The following BST1 variants were observed in gnomAD, a reference collection of about 807,000 sequenced individuals.
BST1 encodes the protein ADP-ribosyl cyclase/cyclic ADP-ribose hydrolase 2.
Under a neutral mutation model 40.6 loss-of-function variants are expected in BST1, and 49 were observed. That is an observed-to-expected ratio of 1.21 (90% CI 0.96 to 1.53). The LOEUF is 1.53. Among genes scored for constraint, BST1 ranks in the 40% most tolerant of loss-of-function variants. The probability of loss-of-function intolerance (pLI) is 0.00; values close to 1 mark genes in which losing one functional copy is unlikely to be tolerated. For synonymous variants in BST1, 157 were observed against 159.3 expected (o/e 0.99, Z 0.11); for missense variants, 423 against 395.9 (o/e 1.07, Z -0.58).
chr4:15,736,173 T>A (rs887698498), downstream of BST1: 40 of 1,249,458 alleles, frequency 3.2e-5, no homozygotes, highest in Admixed American at 9.2e-4. Flanking sequence ...TCCTGACTGA[T>A]CTCTCTGCTT....
the BST1 span, among the ~76,000 whole-genome samples, chr4:15,751,777 G>A: frequency 1.3e-5 from 2 of 151,834 alleles, no homozygotes; most frequent in East Asian, 1.9e-4. Flanking sequence ...ATGTATAGAT[G>A]TACTGTGTAT....
chr4:15,715,870 C>T lies in BST1; in HGVS notation c.704+71C>T, dbSNP rs964532071. 72 of 1,156,148 alleles carry T rather than the reference C, an allele frequency of 6.2e-5. No homozygotes were observed. In the South Asian group the frequency reaches 1.2e-3, roughly 19 times the overall value. The allele number at this position is 1,156,148 out of a possible 1,614,324, so 71.6% of individuals were successfully genotyped here. On this transcript the variant is annotated intron_variant, in intron 6 of 8. Transcript: ENST00000265016. ...TTCTTGTATATAATATGATAAAGTT[C>T]GTTTAACATTTTCAGTTTAGGGGAA...
chr4:15,703,166 G>A lies in BST1; in HGVS notation c.22G>A (p.Ala8Thr), dbSNP rs1355739514. 1.3e-6 allele frequency: 2 copies of A among 1,570,218 alleles called. No individual in the cohort carries two copies. Among genetic ancestry groups the A allele is most frequent in the Non-Finnish European group, 8.6e-7 (1 of 1,159,684 alleles). The change falls in exon 1 of 9, where the codon GCA (alanine) becomes ACA (threonine). Residue 8 changes from alanine to threonine, a missense_variant. Transcript: ENST00000265016. ...CCCGATGGCGGCCCAGGGGTGCGCGGCATCGCGGCTGCTCCAGCTGCTGCT... is the reference window on the plus strand; with the variant it reads ...CCCGATGGCGGCCCAGGGGTGCGCGACATCGCGGCTGCTCCAGCTGCTGCT... MAAQGCA[A>T]SRLLQLLLQL...
chr4:15,728,877 T>C (rs1341438409), intron 8 of BST1, among the ~76,000 whole-genome samples: 2 of 151,982 alleles, frequency 1.3e-5, no homozygotes, highest in Non-Finnish European at 2.9e-5. Flanking sequence ...AACTCCTGAC[T>C]TCAGGTGATC....
intron 1 of BST1, among the ~76,000 whole-genome samples, chr4:15,703,779 TGTG>T (rs1560274987): frequency 8.1e-6 from 1 of 123,434 alleles, no homozygotes; most frequent in East Asian, 2.6e-4. Flanking sequence ...AAAGGTGAGA[TGTG>T]TGTGTGTGTT....
Position 15,715,360 on chromosome 4 carries a change from G to T in BST1, c.610G>T (p.Gly204Cys). Reference sequence around the variant, plus strand: ...GCCAACAGGAGCCTATCCCATCAAAGGGTAAGAACACCAGCACATTCAAAC... The same window carrying T: ...GCCAACAGGAGCCTATCCCATCAAATGGTAAGAACACCAGCACATTCAAAC... Reference protein sequence around the residue: ...SEPTGAYPIKGFFADYEIPNL... With the variant: ...SEPTGAYPIKCFFADYEIPNL... Residue 204 changes from glycine to cysteine, a missense_variant and splice_region_variant, in exon 5 of 9, where the codon GGT becomes TGT. Physicochemically the swap from Gly to Cys is radical, Grantham distance 159. Transcript: ENST00000265016. The T allele has an allele frequency of 6.2e-7, 1 of 1,613,916 alleles. No homozygotes were observed. The highest frequency in any genetic ancestry group is 8.5e-7 in the Non-Finnish European group (1 of 1,179,828).
chr4:15,709,010 A>C (rs1467127391), intron 3 of BST1, among the ~76,000 whole-genome samples: 1 of 152,246 alleles, frequency 6.6e-6, no homozygotes, highest in Non-Finnish European at 1.5e-5. Flanking sequence ...AAAACAGCAG[A>C]GAATAAAACA....
chr4:15,765,980 C>T, the BST1 span, among the ~76,000 whole-genome samples: 3 of 151,878 alleles, frequency 2.0e-5, no homozygotes, highest in Non-Finnish European at 4.4e-5. Flanking sequence ...TCATGGTGCT[C>T]AGTAAATATT....
the BST1 span, among the ~76,000 whole-genome samples, chr4:15,758,250 T>A: frequency 6.6e-6 from 1 of 152,146 alleles, no homozygotes; most frequent in Non-Finnish European, 1.5e-5. Context: ...ACCCAGGTAG[T>A]GAGCATAGTA....
chr4:15,732,349 G>A lies in BST1; in HGVS notation c.*504G>A, dbSNP rs956454545. ...TTTTTGTTTTGAGAGACAGAGTTTC[G>A]CTCCTTTGCCCAGGCTGGAGTGAGG... On this transcript the variant is annotated 3_prime_UTR_variant, in exon 9 of 9. Coordinates refer to ENST00000265016, the MANE Select transcript of BST1 (RefSeq NM_004334.3). 1.5e-4 allele frequency: 25 copies of A among 162,506 alleles called. No individual in the cohort carries two copies. Among genetic ancestry groups the A allele is most frequent in the African/African-American group, 5.3e-4 (22 of 41,590 alleles). The allele number at this position is 162,506 out of a possible 1,614,324, so 10.1% of individuals were successfully genotyped here. A position where few individuals can be genotyped will look rare whatever the true frequency, so the allele number is the denominator to read the frequency against.
At chr4:15,748,398 C>T in the BST1 span, among the ~76,000 whole-genome samples, 2 of 152,118 alleles carry the variant, frequency 1.3e-5, no homozygotes, top group South Asian at 2.1e-4. Context: ...AAGGGAGCTG[C>T]TATCCTTCAG....
At chr4:15,728,453 T>TC (rs1188851142) in intron 8 of BST1, among the ~76,000 whole-genome samples, 7 of 146,938 alleles carry the variant, frequency 4.8e-5, no homozygotes, top group South Asian at 2.1e-4. Flanking sequence ...CTTTTTCTTT[T>TC]TTTTTTTTTT....
chr4:15,705,737 C>T, intron 2 of BST1, 96 bp downstream of exon 2: 1 of 1,466,288 alleles, frequency 6.8e-7, no homozygotes, highest in Non-Finnish European at 9.5e-7. Flanking sequence ...CCCCTGCATC[C>T]TGCAATGTCA....
At chr4:15,745,007 A>G in the BST1 span, among the ~76,000 whole-genome samples, 1 of 152,218 alleles carries the variant, frequency 6.6e-6, no homozygotes, top group South Asian at 2.1e-4. Flanking sequence ...GCATTTCAGT[A>G]ACAGTTTTAT....
the BST1 span, among the ~76,000 whole-genome samples, chr4:15,749,482 A>G: frequency 6.6e-6 from 1 of 152,086 alleles, no homozygotes; most frequent in African/African-American, 2.4e-5. Flanking sequence ...CATTATTGCT[A>G]CAGATCTGCT....
At chr4:15,743,817 A>G in the BST1 span, among the ~76,000 whole-genome samples, 2 of 152,170 alleles carry the variant, frequency 1.3e-5, no homozygotes, top group African/African-American at 4.8e-5. Context: ...GCTCCCAGGA[A>G]AGGGAAGATG....
At chr4:15,760,555 C>G in the BST1 span, among the ~76,000 whole-genome samples, 5 of 151,598 alleles carry the variant, frequency 3.3e-5, no homozygotes, top group African/African-American at 1.2e-4. Context: ...CATCGCTGAT[C>G]CAGTGCTGAC....
chr4:15,770,038 C>T, the BST1 span, among the ~76,000 whole-genome samples: 1 of 152,148 alleles, frequency 6.6e-6, no homozygotes, highest in Non-Finnish European at 1.5e-5. Context: ...CGTGGTTTCA[C>T]CATGTTGGCC....
chr4:15,769,006 G>C, the BST1 span, among the ~76,000 whole-genome samples: 1 of 152,090 alleles, frequency 6.6e-6, no homozygotes, highest in African/African-American at 2.4e-5. Flanking sequence ...TTTACATGAT[G>C]GCAGTGTTGT....
Sources: gnomAD v4.1 joint callset for allele counts (sites outside exome capture counted in the v4.1 genomes callset) on GRCh38, gnomAD v4.1.1 for gene constraint, MANE v1.5 for transcripts, NCBI Gene and HGNC (gene_info 2026-07-23, HGNC 2026-07-21) for gene names.